The following VRK3 variants were observed in gnomAD, a reference collection of about 807,000 sequenced individuals.
VRK3 encodes the protein VRK serine/threonine kinase 3.
A neutral mutation model predicts 60.4 loss-of-function variants in VRK3; 50 were observed. The ratio of observed to expected loss-of-function variants is 0.83; its 90% CI spans 0.66 to 1.05. The LOEUF is 1.05. Ranked by LOEUF, VRK3 falls within the 50% of genes least tolerant of loss-of-function variation. VRK3 has a pLI of 0.00. For synonymous variants in VRK3, 246 were observed against 227.8 expected (o/e 1.08, Z -0.72); for missense variants, 549 against 585.3 (o/e 0.94, Z 0.64).
intron 1 of VRK3, 143 bp from the exon 2 acceptor site, chr19:50,020,790 C>A (rs1003628045): frequency 1.3e-5 from 2 of 152,212 alleles, no homozygotes; most frequent in African/African-American, 4.8e-5. Flanking sequence ...AACTATTCAC[C>A]GAGTTTCCTG....
chr19:49,995,343 C>A (rs2122165095), intron 7 of VRK3, 68 bp from the exon 8 acceptor site: 1 of 1,463,050 alleles, frequency 6.8e-7, no homozygotes, highest in South Asian at 1.2e-5. Context: ...AGAGCTAGTT[C>A]TCAGAGAAGA....
At chr19:49,996,124 G>C (rs1217402768) in intron 7 of VRK3, among the ~76,000 whole-genome samples, 2 of 152,028 alleles carry the variant, frequency 1.3e-5, no homozygotes, top group African/African-American at 4.8e-5. Context: ...GTTTCACCAT[G>C]TTGGCCAGGA....
intron 5 of VRK3, among the ~76,000 whole-genome samples, chr19:50,002,483 G>C (rs1385418098): frequency 1.3e-5 from 2 of 152,178 alleles, no homozygotes; most frequent in East Asian, 3.8e-4. Context: ...CTGGAACCCA[G>C]GCATAGTAAC....
At chr19:49,979,321 G>C in intron 13 of VRK3, 79 bp from the exon 14 acceptor site, 1 of 1,600,424 alleles carries the variant, frequency 6.2e-7, no homozygotes. Context: ...TCCACCCAAG[G>C]ATGGAGGGGT....
In VRK3 at chr19:49,979,251, A is replaced by G; in HGVS notation, c.1277-9T>C. On this transcript the variant is annotated splice_polypyrimidine_tract_variant and intron_variant, in intron 13 of 14. Coordinates refer to ENST00000316763, the MANE Select transcript of VRK3 (RefSeq NM_016440.4). ...GTACTTCTGCAGGGTCTCTGTGGTC[A>G]AGACAACCCCCAGCAAGGGAGAGCC... 1 of 1,614,072 alleles carries G rather than the reference A, an allele frequency of 6.2e-7. No individual in the cohort carries two copies. The highest frequency in any genetic ancestry group is 1.1e-5 in the South Asian group (1 of 91,076).
At chr19:49,995,771 C>T (rs567634352) in intron 7 of VRK3, among the ~76,000 whole-genome samples, 7 of 152,018 alleles carry the variant, frequency 4.6e-5, no homozygotes, top group South Asian at 2.1e-4. Context: ...TTTTTTGAGA[C>T]GAAGTTTTGC....
Position 49,979,028 on chromosome 19 carries a change from A to G in VRK3, c.*11+55T>C, listed in dbSNP as rs2076377094. On this transcript the variant is annotated intron_variant, in intron 14 of 14. Transcript: ENST00000316763. Reference sequence around the variant, plus strand: ...GGAAGTGTCTCCTGGAGCCTGGGGCAGGGCTCGGGTGAGGGCAAGGGGTGA... The same window carrying G: ...GGAAGTGTCTCCTGGAGCCTGGGGCGGGGCTCGGGTGAGGGCAAGGGGTGA... 3.3e-6 allele frequency: 5 copies of G among 1,516,184 alleles called. No homozygotes were observed. In the East Asian group the frequency reaches 1.1e-4, roughly 35 times the overall value. 93.9% of individuals were successfully genotyped at this position (1,516,184 alleles called of 1,614,324 possible). A position where few individuals can be genotyped will look rare whatever the true frequency, so the allele number is the denominator to read the frequency against.
At chr19:50,015,912 C>G in intron 3 of VRK3, 112 bp downstream of exon 3, 1 of 1,470,616 alleles carries the variant, frequency 6.8e-7, no homozygotes, top group Non-Finnish European at 9.3e-7. Context: ...CTGGGCTTCT[C>G]CAGTGTCAGG....
At chr19:50,000,973 G>T in intron 5 of VRK3, 119 bp from the exon 6 acceptor site, 1 of 859,698 alleles carries the variant, frequency 1.2e-6, no homozygotes, top group Non-Finnish European at 1.8e-6. Flanking sequence ...AAGGTCAAGC[G>T]CACTCTTGGC....
At position 49,980,979 on chromosome 19, in the gene VRK3, A is replaced by G. The variant is rs779269985; in HGVS notation, c.1252T>C (p.Cys418Arg). The change falls in exon 13 of 15, where the codon TGC (cysteine) becomes CGC (arginine). Residue 418 changes from cysteine to arginine, a missense_variant. Cys to Arg is a radical substitution (Grantham distance 180). Coordinates refer to ENST00000316763, the MANE Select transcript of VRK3 (RefSeq NM_016440.4). Reference protein sequence around the residue: ...VDKPGPFVGPCGHWIRPSETL... With the variant: ...VDKPGPFVGPRGHWIRPSETL... Reference sequence around the variant, plus strand: ...CCTGAGGGCCTGATCCAGTGACCGCAGGGTCCCACGAAGGGCCCCGGCTTA... The same window carrying G: ...CCTGAGGGCCTGATCCAGTGACCGCGGGGTCCCACGAAGGGCCCCGGCTTA... The G allele has an allele frequency of 6.2e-7, 1 of 1,612,246 alleles. No individual in the cohort carries two copies. Among genetic ancestry groups the G allele is most frequent in the East Asian group, 2.2e-5 (1 of 44,840 alleles).
chr19:49,994,388 GA>G (rs1363429823), intron 9 of VRK3, among the ~76,000 whole-genome samples: 1 of 152,204 alleles, frequency 6.6e-6, no homozygotes, highest in Non-Finnish European at 1.5e-5. Flanking sequence ...TAATGGGGAT[GA>G]ATGAATGAAC....
chr19:50,003,471 C>T (rs1167147358), intron 5 of VRK3, among the ~76,000 whole-genome samples: 9 of 152,262 alleles, frequency 5.9e-5, no homozygotes, highest in Non-Finnish European at 1.2e-4. Context: ...CTCCCAAGTG[C>T]ACCGCAGTGA....
chr19:49,978,330 T>C (rs978431043), intron 14 of VRK3, among the ~76,000 whole-genome samples: 3 of 152,208 alleles, frequency 2.0e-5, no homozygotes, highest in Non-Finnish European at 4.4e-5. Context: ...AAAAGGAGCC[T>C]GGAGAAGCTC....
intron 11 of VRK3, 125 bp downstream of exon 11, chr19:49,989,514 C>T (rs2076573355): frequency 9.0e-6 from 12 of 1,329,616 alleles, no homozygotes; most frequent in Non-Finnish European, 1.1e-5. Flanking sequence ...GGTTCCAATC[C>T]CTGTCCTGGC....
intron 12 of VRK3, among the ~76,000 whole-genome samples, chr19:49,982,583 C>T (rs1792354681): frequency 6.6e-6 from 1 of 152,172 alleles, no homozygotes. Flanking sequence ...CTGGTTCCAC[C>T]CTAGGCTGGG....
chr19:50,007,900 G>A (rs138368850), intron 4 of VRK3, 74 bp from the exon 5 acceptor site: 69 of 1,579,720 alleles, frequency 4.4e-5, no homozygotes, highest in South Asian at 2.9e-4. Flanking sequence ...GAAACAGCAC[G>A]CAAAATACTG....
intron 9 of VRK3, among the ~76,000 whole-genome samples, chr19:49,993,165 A>G (rs2076641673): frequency 6.6e-6 from 1 of 152,212 alleles, no homozygotes; most frequent in African/African-American, 2.4e-5. Context: ...AAGCTCATCA[A>G]TTGAGCTAAA....
chr19:50,007,268 C>T (rs1321191592), intron 5 of VRK3, among the ~76,000 whole-genome samples: 1 of 152,138 alleles, frequency 6.6e-6, no homozygotes, highest in Non-Finnish European at 1.5e-5. Flanking sequence ...CCTGCACTCC[C>T]ACGTGACAAT....
intron 3 of VRK3, among the ~76,000 whole-genome samples, chr19:50,010,683 C>A (rs578243817): frequency 6.6e-6 from 1 of 152,138 alleles, no homozygotes; most frequent in South Asian, 2.1e-4. Context: ...GAGGCCAGGG[C>A]GGGTGGATCG....
Sources: gnomAD v4.1 joint callset for allele counts (sites outside exome capture counted in the v4.1 genomes callset) on GRCh38, gnomAD v4.1.1 for gene constraint, MANE v1.5 for transcripts, NCBI Gene and HGNC (gene_info 2026-07-23, HGNC 2026-07-21) for gene names.